The following RCBTB1 variants were observed in gnomAD, a reference collection of about 807,000 sequenced individuals.
The protein encoded by RCBTB1 is RCC1 and BTB domain containing protein 1.
A neutral mutation model predicts 62.4 loss-of-function variants in RCBTB1; 46 were observed. That is an observed-to-expected ratio of 0.74 (90% CI 0.58 to 0.94). RCBTB1 has a LOEUF of 0.94. Ranked by LOEUF, RCBTB1 falls within the 40% of genes least tolerant of loss-of-function variation. The pLI is 0.00. For synonymous variants in RCBTB1, 222 were observed against 245.8 expected, an observed-to-expected ratio of 0.90 and a Z score of 0.91; for missense variants, 565 against 654.9, an observed-to-expected ratio of 0.86 and a Z score of 1.50.
chr13:49,582,252 C>T (rs544867390), intron 1 of RCBTB1, among the ~76,000 whole-genome samples: 2 of 152,176 alleles, frequency 1.3e-5, no homozygotes, highest in East Asian at 3.9e-4. Flanking sequence ...TTTGGGAGGC[C>T]GAGGCAGGTG....
At chr13:49,553,512 G>C (rs1345312616) in intron 6 of RCBTB1, among the ~76,000 whole-genome samples, 1 of 152,124 alleles carries the variant, frequency 6.6e-6, no homozygotes, top group Non-Finnish European at 1.5e-5. Flanking sequence ...AGAGTGAGAG[G>C]AGGCCCATCT....
intron 9 of RCBTB1, chr13:49,546,189 G>A (rs566848283): frequency 2.0e-6 from 2 of 985,272 alleles, no homozygotes; most frequent in African/African-American, 1.7e-5. Flanking sequence ...TCTGCATCCA[G>A]TCTTAGGCTG....
At chr13:49,581,684 G>A (rs1461039716) in intron 1 of RCBTB1, among the ~76,000 whole-genome samples, 1 of 152,162 alleles carries the variant, frequency 6.6e-6, no homozygotes, top group Non-Finnish European at 1.5e-5. Context: ...CCCCTAGAAG[G>A]GACTGTGAAG....
intron 6 of RCBTB1, 38 bp downstream of exon 6, chr13:49,555,477 A>AG: frequency 6.5e-7 from 1 of 1,548,140 alleles, no homozygotes; most frequent in Non-Finnish European, 8.9e-7. Flanking sequence ...TAATTGAAAA[A>AG]GAAGGTAGAA....
At position 49,552,170 on chromosome 13, in the gene RCBTB1, A is replaced by G; in HGVS notation, c.711+8T>C. On this transcript the variant is annotated splice_region_variant and intron_variant, in intron 7 of 12. Transcript: ENST00000378302. ...GGAAGCCACTAACTGAGAGTGCACC[A>G]CACGTACCTGGTTCACACACACGCT... The G allele has an allele frequency of 6.4e-7, 1 of 1,552,860 alleles. No individual in the cohort carries two copies. Among genetic ancestry groups the G allele is most frequent in the East Asian group, 2.3e-5 (1 of 42,978 alleles).
chr13:49,544,211 T>TAGAA (rs1960620642), intron 10 of RCBTB1, among the ~76,000 whole-genome samples: 5 of 152,214 alleles, frequency 3.3e-5, no homozygotes, highest in African/African-American at 9.6e-5. Context: ...AGCTCACATC[T>TAGAA]GTAATGCCAG....
At position 49,551,342 on chromosome 13, in the gene RCBTB1, T is replaced by C. The variant is rs767434145; in HGVS notation, c.838A>G (p.Met280Val). 1.2e-6 allele frequency: 2 copies of C among 1,614,200 alleles called. No individual in the cohort carries two copies. The highest frequency in any genetic ancestry group is 2.2e-5 in the South Asian group (2 of 91,080). The stretch of plus-strand genomic sequence containing the variant: ...CCAAGTTACCTTTCTTTCTCCACCA[T>C]GATGTGTGCTGGGCTTAGCAGGTTA... ...KNNLLSPAHI[M>V]VEKERVVEIA... The change falls in exon 8 of 13, where the codon ATG becomes GTG. Residue 280 changes from methionine (M) to valine (V), a missense_variant. Coordinates refer to ENST00000378302, the MANE Select transcript of RCBTB1 (RefSeq NM_018191.4).
chr13:49,572,328 G>GA (rs757780948), intron 2 of RCBTB1, among the ~76,000 whole-genome samples: 1,372 of 100,904 alleles, frequency 0.014, 4 homozygotes, highest in Middle Eastern at 0.044. Context: ...CTCTGTCTCA[G>GA]AAAAAAAAAA....
At chr13:49,556,280 C>A (rs1961862469) in intron 5 of RCBTB1, among the ~76,000 whole-genome samples, 1 of 151,354 alleles carries the variant, frequency 6.6e-6, no homozygotes, top group Non-Finnish European at 1.5e-5. Flanking sequence ...CACTGCCAGC[C>A]CCGCCTCCCG....
intron 9 of RCBTB1, chr13:49,546,933 G>A: frequency 3.0e-6 from 3 of 984,874 alleles, no homozygotes; most frequent in Non-Finnish European, 3.6e-6. Context: ...TATAGTCAAT[G>A]ACCATATTTT....
chr13:49,538,122 C>T (rs1960070064), intron 12 of RCBTB1: 1 of 152,200 alleles, frequency 6.6e-6, no homozygotes, highest in Non-Finnish European at 1.5e-5. Context: ...TCTAACCTGA[C>T]TCATCAGTAG....
Position 49,551,899 on chromosome 13 carries a change from C to CA in RCBTB1, c.711+278dup, listed in dbSNP as rs5803471. ...TGGGTGACAGAGGGAGACTCCGTCT[C>CA]AAAAAAAAAAAAAAAAAAGCATTAG... is the stretch of plus-strand genomic sequence containing the variant. On this transcript the variant is annotated intron_variant, in intron 7 of 12. Coordinates refer to ENST00000378302, the MANE Select transcript of RCBTB1 (RefSeq NM_018191.4). Among the ~76,000 whole-genome samples, 115 of 100,310 alleles carry CA rather than the reference C, an allele frequency of 1.1e-3. 2 individuals are homozygous for CA. The highest frequency in any genetic ancestry group is 5.6e-3 in the Middle Eastern group (1 of 180). 65.8% of individuals were successfully genotyped at this position (100,310 alleles called of 152,430 possible). A position where few individuals can be genotyped will look rare whatever the true frequency, so the allele number is the denominator to read the frequency against.
intron 5 of RCBTB1, 110 bp from the exon 6 acceptor site, chr13:49,555,783 G>T: frequency 1.3e-6 from 1 of 779,726 alleles, no homozygotes; most frequent in Non-Finnish European, 2.0e-6. Flanking sequence ...TACTTAAGAT[G>T]TGCTAAACGG....
chr13:49,564,360 G>A (rs983200904), intron 4 of RCBTB1, among the ~76,000 whole-genome samples: 5 of 152,076 alleles, frequency 3.3e-5, no homozygotes, highest in African/African-American at 1.2e-4. Context: ...GCCAAGGTGG[G>A]CGGATCACGA....
intron 4 of RCBTB1, among the ~76,000 whole-genome samples, chr13:49,560,943 C>G (rs1962384404): frequency 6.6e-6 from 1 of 152,144 alleles, no homozygotes. Flanking sequence ...GGCATGCCAC[C>G]CCCTCCCAGC....
chr13:49,565,427 C>T (rs554259909), intron 4 of RCBTB1, among the ~76,000 whole-genome samples: 4 of 152,134 alleles, frequency 2.6e-5, no homozygotes, highest in South Asian at 2.1e-4. Context: ...AGCCTCTGCC[C>T]GGCCGCCACC....
chr13:49,546,170 G>A, intron 9 of RCBTB1: 1 of 985,374 alleles, frequency 1.0e-6, no homozygotes, highest in Non-Finnish European at 1.2e-6. Flanking sequence ...TCTCATCAGT[G>A]CTTCAACTTC....
chr13:49,557,212 A>G (rs1961994820), intron 5 of RCBTB1, among the ~76,000 whole-genome samples: 1 of 152,224 alleles, frequency 6.6e-6, no homozygotes, highest in Non-Finnish European at 1.5e-5. Flanking sequence ...ACCAGAGAGG[A>G]CAGCAAAGCA....
chr13:49,569,234 A>G (rs1566262397), intron 2 of RCBTB1, among the ~76,000 whole-genome samples: 1 of 152,152 alleles, frequency 6.6e-6, no homozygotes, highest in South Asian at 2.1e-4. Context: ...TTCTTGATTT[A>G]TAAGTATTCT....
Sources: gnomAD v4.1 joint callset for allele counts (sites outside exome capture counted in the v4.1 genomes callset) on GRCh38, gnomAD v4.1.1 for gene constraint, MANE v1.5 for transcripts, NCBI Gene and HGNC (gene_info 2026-07-23, HGNC 2026-07-21) for gene names.